The following EPHA5 variants were observed in gnomAD, a reference collection of about 807,000 sequenced individuals.
EPHA5 encodes the protein ephrin type-A receptor 5.
A neutral mutation model predicts 105.0 loss-of-function variants in EPHA5; 60 were observed. The ratio of observed to expected loss-of-function variants is 0.57; its 90% CI spans 0.46 to 0.71. The LOEUF (loss-of-function observed/expected upper bound fraction) is 0.71, where lower values mean the gene tolerates loss of function less well. Ranked by LOEUF, EPHA5 falls within the 30% of genes least tolerant of loss-of-function variation. EPHA5 has a pLI of 0.00. For synonymous variants in EPHA5, 513 were observed against 449.1 expected, an observed-to-expected ratio of 1.14 and a Z score of -1.80; for missense variants, 1,218 against 1,274.7, an observed-to-expected ratio of 0.96 and a Z score of 0.68.
intron 11 of EPHA5, among the ~76,000 whole-genome samples, chr4:65,357,432 T>C (rs1723407343): frequency 6.6e-6 from 1 of 151,576 alleles, no homozygotes; most frequent in Non-Finnish European, 1.5e-5. Flanking sequence ...ATTCATTTTT[T>C]TGTGTTAATA....
At chr4:65,352,756 T>C (rs1329874675) in intron 12 of EPHA5, among the ~76,000 whole-genome samples, 2 of 150,314 alleles carry the variant, frequency 1.3e-5, no homozygotes, top group South Asian at 2.1e-4. Flanking sequence ...AAATTTTTCT[T>C]TTCCTCTCTT....
intron 3 of EPHA5, among the ~76,000 whole-genome samples, chr4:65,598,675 A>T (rs2149431130): frequency 6.6e-6 from 1 of 152,308 alleles, no homozygotes; most frequent in African/African-American, 2.4e-5. Context: ...GCCTTGATTG[A>T]TTGGGGCATC....
chr4:65,615,547 C>T (rs1302281673), intron 2 of EPHA5, among the ~76,000 whole-genome samples: 1 of 151,796 alleles, frequency 6.6e-6, no homozygotes, highest in Non-Finnish European at 1.5e-5. Context: ...TCTAGCAAAC[C>T]TACCTTCCAA....
chr4:65,503,636 CAT>C (rs1732712777), intron 3 of EPHA5, among the ~76,000 whole-genome samples: 1 of 151,470 alleles, frequency 6.6e-6, no homozygotes, highest in Non-Finnish European at 1.5e-5. Flanking sequence ...ATAAATGAAA[CAT>C]AAAATAAATT....
At chr4:65,514,348 C>G (rs1422101285) in intron 3 of EPHA5, among the ~76,000 whole-genome samples, 1 of 152,130 alleles carries the variant, frequency 6.6e-6, no homozygotes, top group Non-Finnish European at 1.5e-5. Context: ...GTATGCAACT[C>G]CATGTAAAAA....
At chr4:65,614,644 A>C (rs767559288) in intron 2 of EPHA5, among the ~76,000 whole-genome samples, 95 of 152,004 alleles carry the variant, frequency 6.2e-4, no homozygotes, top group Non-Finnish European at 1.3e-3. Flanking sequence ...ATATAGGCTA[A>C]TGCTTCATAC....
At chr4:65,437,522 T>G (rs1459199228) in intron 5 of EPHA5, among the ~76,000 whole-genome samples, 1 of 152,006 alleles carries the variant, frequency 6.6e-6, no homozygotes, top group Non-Finnish European at 1.5e-5. Context: ...CATATCTTCT[T>G]AGAATGATCA....
At chr4:65,606,008 A>T (rs1254626400) in intron 2 of EPHA5, among the ~76,000 whole-genome samples, 2 of 152,316 alleles carry the variant, frequency 1.3e-5, no homozygotes, top group East Asian at 3.9e-4. Context: ...CACAAGACCA[A>T]GCTGACTACC....
At chr4:65,601,508 A>T in intron 3 of EPHA5, 133 bp downstream of exon 3, 1 of 941,656 alleles carries the variant, frequency 1.1e-6, no homozygotes. Flanking sequence ...AAAGAGAAAA[A>T]TAAAACTTGA....
chr4:65,486,015 CATT>C (rs998749920), intron 5 of EPHA5, among the ~76,000 whole-genome samples: 2 of 152,078 alleles, frequency 1.3e-5, no homozygotes, highest in African/African-American at 4.8e-5. Flanking sequence ...AATCAGGAAA[CATT>C]AACCACCAGA....
At chr4:65,456,410 C>G (rs1032376341) in intron 5 of EPHA5, among the ~76,000 whole-genome samples, 1 of 151,794 alleles carries the variant, frequency 6.6e-6, no homozygotes, top group Non-Finnish European at 1.5e-5. Flanking sequence ...AATGTAGAAG[C>G]TGATCTATTG....
intron 2 of EPHA5, among the ~76,000 whole-genome samples, chr4:65,614,528 TG>T (rs1745054448): frequency 6.6e-6 from 1 of 151,844 alleles, no homozygotes; most frequent in Non-Finnish European, 1.5e-5. Context: ...TCTGATAGTT[TG>T]TCAGCTATGT....
intron 8 of EPHA5, among the ~76,000 whole-genome samples, chr4:65,374,787 C>T (rs1399951954): frequency 1.3e-5 from 2 of 151,838 alleles, no homozygotes; most frequent in Non-Finnish European, 2.9e-5. Flanking sequence ...TGTTCTAAAA[C>T]TGTAAATGTG....
intron 3 of EPHA5, among the ~76,000 whole-genome samples, chr4:65,563,174 T>C (rs1257096482): frequency 6.6e-6 from 1 of 152,044 alleles, no homozygotes; most frequent in Non-Finnish European, 1.5e-5. Flanking sequence ...AGGAGCCATT[T>C]GGCTGATACT....
At chr4:65,555,669 G>A (rs1230310084) in intron 3 of EPHA5, among the ~76,000 whole-genome samples, 2 of 141,238 alleles carry the variant, frequency 1.4e-5, no homozygotes, top group Non-Finnish European at 2.9e-5. Flanking sequence ...TACTTCATCA[G>A]GCTCTTAAGA....
chr4:65,527,045 T>G (rs1319689556), intron 3 of EPHA5, among the ~76,000 whole-genome samples: 1 of 152,080 alleles, frequency 6.6e-6, no homozygotes, highest in South Asian at 2.1e-4. Flanking sequence ...ATATTCATAT[T>G]GCCCAGTGTT....
intron 10 of EPHA5, 125 bp from the exon 11 acceptor site, chr4:65,365,327 AAAC>A (rs869086918): frequency 3.7e-6 from 3 of 805,802 alleles, no homozygotes; most frequent in Admixed American, 5.4e-5. Context: ...ACAAACAAAC[AAAC>A]AAAAAGCAGT....
intron 11 of EPHA5, among the ~76,000 whole-genome samples, chr4:65,356,028 T>A (rs952899765): frequency 2.0e-5 from 3 of 151,486 alleles, no homozygotes; most frequent in African/African-American, 7.3e-5. Context: ...TTGAAAGAAC[T>A]GAATTCCAGC....
intron 2 of EPHA5, among the ~76,000 whole-genome samples, chr4:65,624,463 T>C (rs1745963469): frequency 6.6e-6 from 1 of 152,178 alleles, no homozygotes; most frequent in South Asian, 2.1e-4. Flanking sequence ...TTATTTACTG[T>C]TACTAAAGGG....
Sources: gnomAD v4.1 joint callset for allele counts (sites outside exome capture counted in the v4.1 genomes callset) on GRCh38, gnomAD v4.1.1 for gene constraint, MANE v1.5 for transcripts, NCBI Gene and HGNC (gene_info 2026-07-23, HGNC 2026-07-21) for gene names.